RPS24: variants seen among roughly 807,000 people sequenced by gnomAD.
The protein encoded by RPS24 is small ribosomal subunit protein eS24.
For synonymous variants in RPS24, 72 were observed against 55.6 expected, an observed-to-expected ratio of 1.30 and a Z score of -1.31; for missense variants, 100 against 162.5, an observed-to-expected ratio of 0.62 and a Z score of 2.09.
rs760643690 is a variant in RPS24, at chr10:78,035,528, C to T, written c.87C>T (p.His29=). Reference sequence around the variant, plus strand: ...CCTTTTAGGTCATTGATGTCCTTCACCCCGGGAAGGCGACAGTGCCTAAGA... The same window carrying T: ...CCTTTTAGGTCATTGATGTCCTTCATCCCGGGAAGGCGACAGTGCCTAAGA... ...QRKQMVIDVL[H]PGKATVPKTE... Residue 29 remains histidine (H), a synonymous_variant, in exon 3 of 6, where the codon CAC becomes CAT. Transcript: ENST00000372360. 2 of 1,613,998 alleles carry T rather than the reference C, an allele frequency of 1.2e-6. No individual in the cohort carries two copies. Among genetic ancestry groups the T allele is most frequent in the Admixed American group, 1.7e-5 (1 of 59,994 alleles).
At chr10:78,055,216 T>G in exon 5 of RPS24, 1 of 726,372 alleles carries the variant, frequency 1.4e-6, no homozygotes, top group Non-Finnish European at 1.9e-6. Context: ...ACCTGGCCAC[T>G]GGCCTCCCAC....
intron 4 of RPS24, 93 bp downstream of exon 4, chr10:78,037,397 T>TG: frequency 1.3e-6 from 2 of 1,486,834 alleles, no homozygotes; most frequent in Non-Finnish European, 1.8e-6. Context: ...TAAAATAACT[T>TG]TTCTTAATGT....
intron 4 of RPS24, chr10:78,038,005 G>C (rs1212819521): frequency 7.8e-7 from 1 of 1,279,368 alleles, no homozygotes; most frequent in Non-Finnish European, 1.0e-6. Flanking sequence ...TAAGCACGGT[G>C]TGGGGATGCA....
chr10:78,053,750 G>A (rs1270494308), intron 4 of RPS24, among the ~76,000 whole-genome samples: 1 of 152,120 alleles, frequency 6.6e-6, no homozygotes, highest in African/African-American at 2.4e-5. Context: ...CCGGATGAAG[G>A]GGTGTCTCCC....
At chr10:78,055,177 A>T (rs915650254) in exon 5 of RPS24, 1 of 1,157,312 alleles carries the variant, frequency 8.6e-7, no homozygotes. Flanking sequence ...AATGCCAAAG[A>T]CCTCCCCACG....
chr10:78,034,949 C>A (rs1292025561), intron 1 of RPS24, among the ~76,000 whole-genome samples: 1 of 152,122 alleles, frequency 6.6e-6, no homozygotes, highest in Non-Finnish European at 1.5e-5. Flanking sequence ...TTGATTGTCA[C>A]AACTGGGAAA....
intron 4 of RPS24, chr10:78,049,064 T>C (rs1200765982): frequency 1.3e-5 from 2 of 152,004 alleles, no homozygotes; most frequent in Non-Finnish European, 2.9e-5. Context: ...TTTTCTTCTG[T>C]TTATGGATGA....
intron 4 of RPS24, 116 bp downstream of exon 4, chr10:78,037,420 C>A: frequency 6.9e-7 from 1 of 1,449,272 alleles, no homozygotes; most frequent in Non-Finnish European, 9.2e-7. Flanking sequence ...CTTCTTTTCC[C>A]TCTTCTTCTG....
chr10:78,040,851 A>C (rs1847977147), downstream of RPS24: 2 of 620,124 alleles, frequency 3.2e-6, no homozygotes, highest in African/African-American at 3.7e-5. Context: ...CTTGGTTTAT[A>C]GCTTAGGTGG....
Position 78,035,845 on chromosome 10 carries a change from A to G in RPS24, c.279+125A>G, listed in dbSNP as rs1040803198. ...GATACAACTCTGAAAGGATTAAGAG[A>G]AAAAGTTATTTCATAAAATGCACAG... On this transcript the variant is annotated intron_variant, in intron 3 of 5. Transcript: ENST00000372360. The G allele has an allele frequency of 9.5e-6, 8 of 844,104 alleles. No homozygotes were observed. In the South Asian group the frequency reaches 9.6e-5, roughly 10 times the overall value. The allele number at this position is 844,104 out of a possible 1,614,324, so 52.3% of individuals were successfully genotyped here.
chr10:78,035,361 G>A lies in RPS24; in HGVS notation c.13G>A (p.Val5Ile), dbSNP rs1219203344. 4.3e-6 allele frequency: 7 copies of A among 1,613,988 alleles called. No homozygotes were observed. Among genetic ancestry groups the A allele is most frequent in the Middle Eastern group, 1.7e-4 (1 of 6,060 alleles). Residue 5 changes from valine (V) to isoleucine (I), a missense_variant, in exon 2 of 6, where the codon GTA (valine) becomes ATA (isoleucine). Val to Ile is a conservative substitution (Grantham distance 29, BLOSUM62 3). Transcript: ENST00000372360. The part of the protein sequence containing the change: MNDT[V>I]TIRTRKFMTN... ...GTGTTTATGTTTTCAGAACGACACC[G>A]TAACTATCCGCACTAGAAAGTTCAT... is the stretch of plus-strand genomic sequence containing the variant.
rs759898051 is a variant in RPS24, at chr10:78,054,504, A to G, written c.391-27A>G. 8 of 1,508,896 alleles carry G rather than the reference A, an allele frequency of 5.3e-6. No individual in the cohort carries two copies. The African/African-American group carries it at 8.3e-5, about 16-fold the overall frequency. 93.5% of individuals were successfully genotyped at this position (1,508,896 alleles called of 1,614,324 possible). A position where few individuals can be genotyped will look rare whatever the true frequency, so the allele number is the denominator to read the frequency against. Reference sequence around the variant, plus strand: ...GAAGGCACCTGGACAATCCTCTGAGACTATTCTCTCCTTCCCGCTTTTGCA... The same window carrying G: ...GAAGGCACCTGGACAATCCTCTGAGGCTATTCTCTCCTTCCCGCTTTTGCA... On this transcript the variant is annotated intron_variant, in intron 4 of 4. Transcript: ENST00000440692.
At chr10:78,047,006 G>C (rs1387701306) in intron 4 of RPS24, among the ~76,000 whole-genome samples, 1 of 151,952 alleles carries the variant, frequency 6.6e-6, no homozygotes, top group Non-Finnish European at 1.5e-5. Flanking sequence ...AGTTGCCCAG[G>C]CTGGAGTGCA....
intron 4 of RPS24, 184 bp downstream of exon 4, chr10:78,037,488 G>C: frequency 2.0e-6 from 2 of 993,898 alleles, no homozygotes; most frequent in Non-Finnish European, 2.8e-6. Context: ...TAACACCTCA[G>C]TAAAGTAGCT....
At chr10:78,043,744 C>A (rs1214794297), downstream of RPS24, among the ~76,000 whole-genome samples, 1 of 152,150 alleles carries the variant, frequency 6.6e-6, no homozygotes, top group Non-Finnish European at 1.5e-5. Context: ...AAATTGAGAG[C>A]CAAGAAGATC....
intron 4 of RPS24, chr10:78,037,542 T>A: frequency 1.8e-6 from 1 of 543,070 alleles, no homozygotes; most frequent in Non-Finnish European, 3.1e-6. Context: ...GGAGGCCACA[T>A]TGGTTCATTG....
intron 4 of RPS24, among the ~76,000 whole-genome samples, chr10:78,047,486 G>T (rs552747955): frequency 1.3e-5 from 2 of 152,160 alleles, no homozygotes; most frequent in East Asian, 3.9e-4. Flanking sequence ...GGGCACAGAC[G>T]TGGAAGCGGT....
Position 78,050,534 on chromosome 10 carries a change from T to C in RPS24, c.391-3997T>C, listed in dbSNP as rs1399197996. On this transcript the variant is annotated intron_variant, in intron 4 of 4. Coordinates refer to the RPS24 transcript ENST00000440692. ...ATTGAGGTTTAATTCACAGACCATATATTCACCCTTGTAAAGTGTGCAATT... is the reference window on the plus strand; with the variant it reads ...ATTGAGGTTTAATTCACAGACCATACATTCACCCTTGTAAAGTGTGCAATT... Among the ~76,000 whole-genome samples the C allele has an allele frequency of 4.3e-4, 65 of 152,236 alleles. 1 individual carries two copies. The highest frequency in any genetic ancestry group is 4.2e-3 in the Admixed American group (64 of 15,284).
chr10:78,052,034 T>C lies in RPS24; in HGVS notation c.391-2497T>C, dbSNP rs548710231. On this transcript the variant is annotated intron_variant, in intron 4 of 4. Transcript: ENST00000440692. The stretch of plus-strand genomic sequence containing the variant: ...CATTTTTAAAATTTATTTATTTATT[T>C]ATTTATTTTGAGACAGGGCCTTGCC... Among the ~76,000 whole-genome samples the C allele has an allele frequency of 1.2e-3, 177 of 152,192 alleles. 1 individual carries two copies. The highest frequency in any genetic ancestry group is 4.1e-3 in the African/African-American group (172 of 41,526).
Sources: allele counts gnomAD v4.1 joint callset (sites outside exome capture counted in the v4.1 genomes callset), GRCh38; gene constraint gnomAD v4.1.1; transcripts MANE v1.5; gene names NCBI Gene and HGNC (gene_info 2026-07-23, HGNC 2026-07-21).